Variants in FN1 observed in about 807,000 individuals in gnomAD.
FN1 encodes the protein fibronectin 1, also known as fibronectin.
In FN1, 106 loss-of-function variants were observed where a neutral mutation model predicts 297.3. The ratio of observed to expected loss-of-function variants is 0.36; its 90% CI spans 0.30 to 0.42. The LOEUF (loss-of-function observed/expected upper bound fraction) is 0.42, where lower values mean the gene tolerates loss of function less well. FN1 is among the 10% of genes least tolerant of loss of function. The pLI is 1.00. For missense variants in FN1, 2,690 were observed against 3,124.9 expected, an observed-to-expected ratio of 0.86 and a Z score of 3.32; for synonymous variants, 1,149 against 1,152.6, an observed-to-expected ratio of 1.00 and a Z score of 0.06.
chr2:215,403,365 C>T (rs2061374461), intron 20 of FN1, among the ~76,000 whole-genome samples: 1 of 152,116 alleles, frequency 6.6e-6, no homozygotes, highest in South Asian at 2.1e-4. Context: ...AAATCAATTC[C>T]ATAGTTATTT....
intron 41 of FN1, among the ~76,000 whole-genome samples, chr2:215,369,509 A>T (rs1279088725): frequency 6.6e-6 from 1 of 152,184 alleles, no homozygotes; most frequent in East Asian, 1.9e-4. Flanking sequence ...CTTGGCATAG[A>T]CAGGACTTAG....
intron 15 of FN1, among the ~76,000 whole-genome samples, chr2:215,409,168 A>C (rs2062207793): frequency 6.6e-6 from 1 of 152,282 alleles, no homozygotes; most frequent in African/African-American, 2.4e-5. Context: ...ACGATGGCAC[A>C]CACTTCAGTG....
intron 15 of FN1, among the ~76,000 whole-genome samples, chr2:215,408,812 C>CA (rs1438724170): frequency 6.6e-6 from 1 of 152,120 alleles, no homozygotes; most frequent in Non-Finnish European, 1.5e-5. Context: ...TCAAGTGATC[C>CA]ACCAGCCTCA....
intron 20 of FN1, among the ~76,000 whole-genome samples, chr2:215,400,785 T>G (rs376457582): frequency 9.1e-6 from 1 of 110,186 alleles, no homozygotes; most frequent in African/African-American, 3.4e-5. Flanking sequence ...AGAAAGAAAA[T>G]AAAATTTTAC....
Position 215,371,283 on chromosome 2 carries a change from T to A in FN1, c.6714+626A>T, listed in dbSNP as rs1300317779. Among the ~76,000 whole-genome samples, 17 of 147,312 alleles carry A rather than the reference T, an allele frequency of 1.2e-4. No homozygotes were observed. The South Asian group carries it at 2.6e-3, about 23-fold the overall frequency. On this transcript the variant is annotated intron_variant, in intron 40 of 45. Transcript: ENST00000354785. Reference sequence around the variant, plus strand: ...ACTCCATCTCGGGGAAAAAAAAAAATGGATACTGTCAACACAAATTAAATA... The same window carrying A: ...ACTCCATCTCGGGGAAAAAAAAAAAAGGATACTGTCAACACAAATTAAATA...
chr2:215,419,882 C>T (rs1300942422), intron 11 of FN1, among the ~76,000 whole-genome samples: 1 of 152,190 alleles, frequency 6.6e-6, no homozygotes, highest in African/African-American at 2.4e-5. Context: ...TCTCTCAGTT[C>T]TGGTAATCTC....
rs148348956 is a variant in FN1 at position 215,435,686 on chromosome 2, G to C, written c.117C>G (p.Pro39=). 9.6e-5 allele frequency: 155 copies of C among 1,613,398 alleles called. No homozygotes were observed. The African/African-American group carries it at 2.0e-3, about 20-fold the overall frequency. Residue 39 remains proline, a synonymous_variant, in exon 1 of 46, where the codon CCC becomes CCG. Transcript: ENST00000354785. The part of the protein sequence containing the change: ...SKRQAQQMVQ[P]QSPVAVSQSK... The stretch of plus-strand genomic sequence containing the variant: ...TTTGACTGACAGCCACCGGGGACTG[G>C]GGCTGAACCATTTGCTGAGCCTGCC...
intron 31 of FN1, 56 bp from the exon 32 acceptor site, chr2:215,382,381 C>T (rs745492365): frequency 2.4e-4 from 269 of 1,115,728 alleles, no homozygotes; most frequent in Non-Finnish European, 3.2e-4. Context: ...ATAAAGTCCT[C>T]AAGTGGCGTC....
intron 27 of FN1, among the ~76,000 whole-genome samples, chr2:215,387,536 A>G (rs1423199602): frequency 6.6e-6 from 1 of 152,228 alleles, no homozygotes; most frequent in Non-Finnish European, 1.5e-5. Flanking sequence ...ACAGTTTTGA[A>G]AAATGCATTT....
chr2:215,427,500 A>G (rs2065674302), intron 6 of FN1, among the ~76,000 whole-genome samples: 1 of 152,232 alleles, frequency 6.6e-6, no homozygotes. Flanking sequence ...CTCATGCCAA[A>G]AATGATTAAA....
chr2:215,376,732 G>T, intron 35 of FN1, 58 bp from the exon 36 acceptor site: 1 of 1,536,242 alleles, frequency 6.5e-7, no homozygotes, highest in Non-Finnish European at 9.0e-7. Context: ...GTAAAGTTTT[G>T]GTATTTTAAA....
chr2:215,413,901 G>A (rs1461451093), intron 13 of FN1, among the ~76,000 whole-genome samples: 4 of 152,184 alleles, frequency 2.6e-5, no homozygotes, highest in Non-Finnish European at 5.9e-5. Flanking sequence ...GCGTCTAGAC[G>A]TGGTTCTTTC....
chr2:215,361,858 G>T, intron 45 of FN1, 111 bp downstream of exon 45: 1 of 1,383,590 alleles, frequency 7.2e-7, no homozygotes, highest in Non-Finnish European at 9.9e-7. Context: ...TCATTTATGA[G>T]TTGTTTTTTT....
chr2:215,372,408 AGCGCAT>A (rs2056399683), intron 39 of FN1, 33 bp from the exon 40 acceptor site: 4 of 1,480,112 alleles, frequency 2.7e-6, no homozygotes, highest in Non-Finnish European at 2.8e-6. Flanking sequence ...AAAAAAGCAA[AGCGCAT>A]TAAGCTCCAG....
At position 215,431,913 on chromosome 2, in the gene FN1, C is replaced by G. The variant is rs139088862; in HGVS notation, c.467G>C (p.Arg156Thr). Residue 156 changes from arginine (R) to threonine (T), a missense_variant, in exon 4 of 46, where the codon AGA becomes ACA. Transcript: ENST00000354785. Reference sequence around the variant, plus strand: ...CATGTAACCACCAGTCTCATGTGGTCTCCTCCAGGTGTCACCAATCTTGTA... The same window carrying G: ...CATGTAACCACCAGTCTCATGTGGTGTCCTCCAGGTGTCACCAATCTTGTA... ...QSYKIGDTWR[R>T]PHETGGYMLE... 6.2e-7 allele frequency: 1 copy of G among 1,614,054 alleles called. No homozygotes were observed. Among genetic ancestry groups the G allele is most frequent in the Non-Finnish European group, 8.5e-7 (1 of 1,179,926 alleles).
intron 20 of FN1, among the ~76,000 whole-genome samples, chr2:215,403,389 G>T (rs1340877892): frequency 6.6e-6 from 1 of 152,120 alleles, no homozygotes; most frequent in Non-Finnish European, 1.5e-5. Flanking sequence ...AACTAGGCTT[G>T]TATGGACTTT....
At chr2:215,434,847 G>A (rs368108383) in intron 1 of FN1, 23 bp from the exon 2 acceptor site, 15 of 1,539,300 alleles carry the variant, frequency 9.7e-6, no homozygotes, top group Non-Finnish European at 1.3e-5. Flanking sequence ...GAAGGAAAAC[G>A]TTACATTTGC....
intron 27 of FN1, among the ~76,000 whole-genome samples, chr2:215,387,857 G>T (rs2059221269): frequency 6.6e-6 from 1 of 152,130 alleles, no homozygotes; most frequent in African/African-American, 2.4e-5. Flanking sequence ...AAACTTGCTG[G>T]CTTAGTAAAG....
chr2:215,410,852 A>G (rs2062522027), intron 13 of FN1, among the ~76,000 whole-genome samples: 1 of 152,224 alleles, frequency 6.6e-6, no homozygotes, highest in Non-Finnish European at 1.5e-5. Context: ...CAGTAACATA[A>G]TATGATGAAC....
Sources: allele counts gnomAD v4.1 joint callset (sites outside exome capture counted in the v4.1 genomes callset), GRCh38; gene constraint gnomAD v4.1.1; transcripts MANE v1.5; gene names NCBI Gene and HGNC (gene_info 2026-07-23, HGNC 2026-07-21).